Variants in STON2 observed in about 807,000 individuals in gnomAD.
STON2 encodes the protein stonin 2.
In STON2, 29 loss-of-function variants were observed where a neutral mutation model predicts 65.7. That is an observed-to-expected ratio of 0.44 (90% CI 0.33 to 0.60). The LOEUF is 0.60. Ranked by LOEUF, STON2 falls within the 20% of genes least tolerant of loss-of-function variation. The pLI is 0.03. For missense variants in STON2, 1,054 were observed against 1,118.1 expected (o/e 0.94, Z 0.82); for synonymous variants, 404 against 414.2 (o/e 0.98, Z 0.30).
Position 81,351,229 on chromosome 14 carries a change from G to A in STON2, c.571+19759C>T, listed in dbSNP as rs116812142. Among the ~76,000 whole-genome samples the A allele has an allele frequency of 7.2e-4, 101 of 141,154 alleles. 1 individual carries two copies. Among genetic ancestry groups the A allele is most frequent in the African/African-American group, 2.6e-3 (98 of 38,102 alleles). 92.6% of individuals were successfully genotyped at this position (141,154 alleles called of 152,430 possible). The stretch of plus-strand genomic sequence containing the variant: ...AGGCAAGGGATAATGCTGATTCAAT[G>A]TGGCAAAAATGGGAAATGTAGCTTT... On this transcript the variant is annotated intron_variant, in intron 4 of 7. Transcript: ENST00000614646.
chr14:81,296,807 A>G (rs1895778912), intron 5 of STON2, among the ~76,000 whole-genome samples: 1 of 152,236 alleles, frequency 6.6e-6, no homozygotes, highest in African/African-American at 2.4e-5. Context: ...GTCAGCATGC[A>G]TTTGATAAAT....
intron 5 of STON2, among the ~76,000 whole-genome samples, chr14:81,313,810 T>TACACACAC (rs10527861): frequency 7.4e-4 from 104 of 139,826 alleles, no homozygotes; most frequent in African/African-American, 2.3e-3. Context: ...AAAAAAAAAA[T>TACACACAC]ACACACACAC....
At position 81,283,529 on chromosome 14, in the gene STON2, C is replaced by T. The variant is rs1421645306; in HGVS notation, c.743-4790G>A. ...TTTGTACTGCACTTTACAGATACTGCATTTTTTTTTTTTTTTTTTGAGATG... is the reference window on the plus strand; with the variant it reads ...TTTGTACTGCACTTTACAGATACTGTATTTTTTTTTTTTTTTTTTGAGATG... On this transcript the variant is annotated intron_variant, in intron 5 of 7. Transcript: ENST00000614646. 4.2e-5 allele frequency among the ~76,000 whole-genome samples: 4 copies of T among 95,410 alleles called. No homozygotes were observed. In the Admixed American group the frequency reaches 5.2e-4, roughly 13 times the overall value. The allele number at this position is 95,410 out of a possible 152,430, so 62.6% of individuals were successfully genotyped here. A position where few individuals can be genotyped will look rare whatever the true frequency, so the allele number is the denominator to read the frequency against.
rs940313625 is a variant in STON2 at position 81,268,099 on chromosome 14, C to T, written c.*315G>A. The T allele has an allele frequency of 9.8e-7, 1 of 1,022,434 alleles. No homozygotes were observed. The highest frequency in any genetic ancestry group is 1.2e-6 in the Non-Finnish European group (1 of 852,740). 63.3% of individuals were successfully genotyped at this position (1,022,434 alleles called of 1,614,324 possible). A position where few individuals can be genotyped will look rare whatever the true frequency, so the allele number is the denominator to read the frequency against. On this transcript the variant is annotated 3_prime_UTR_variant, in exon 8 of 8. Coordinates refer to ENST00000614646, the MANE Select transcript of STON2 (RefSeq NM_001394390.1). Reference sequence around the variant, plus strand: ...CCTGACTGTAACAGTCACAACAAACCACATACCAGTGCTGTGAGATAAGCA... The same window carrying T: ...CCTGACTGTAACAGTCACAACAAACTACATACCAGTGCTGTGAGATAAGCA...
intron 1 of STON2, among the ~76,000 whole-genome samples, chr14:81,428,782 C>T (rs1902104071): frequency 6.6e-6 from 1 of 152,142 alleles, no homozygotes; most frequent in African/African-American, 2.4e-5. Flanking sequence ...GTTTCTAAGG[C>T]AAACAAATAA....
intron 4 of STON2, among the ~76,000 whole-genome samples, chr14:81,352,178 T>C (rs561072092): frequency 1.3e-3 from 191 of 152,284 alleles, no homozygotes; most frequent in Non-Finnish European, 1.9e-3. Context: ...ATCATTATTA[T>C]GGTTAATACT....
rs1305662477 is a variant in STON2, at chr14:81,262,859, C to T, written c.*5555G>A. 3 of 985,232 alleles carry T rather than the reference C, an allele frequency of 3.0e-6. No individual in the cohort carries two copies. The highest frequency in any genetic ancestry group is 1.7e-5 in the African/African-American group (1 of 57,252). The allele number at this position is 985,232 out of a possible 1,614,324, so 61.0% of individuals were successfully genotyped here. A position where few individuals can be genotyped will look rare whatever the true frequency, so the allele number is the denominator to read the frequency against. On this transcript the variant is annotated 3_prime_UTR_variant, in exon 8 of 8. Coordinates refer to ENST00000614646, the MANE Select transcript of STON2 (RefSeq NM_001394390.1). ...TTTCTACATTTGTGGTTGCCTTATA[C>T]ATCTCCTTCACGTTTAATTCCTTAA... is the stretch of plus-strand genomic sequence containing the variant.
intron 1 of STON2, among the ~76,000 whole-genome samples, chr14:81,432,072 G>C (rs954710613): frequency 6.6e-6 from 1 of 152,110 alleles, no homozygotes; most frequent in Non-Finnish European, 1.5e-5. Flanking sequence ...GGTGATCCTA[G>C]AAGTATTTCA....
At chr14:81,430,421 G>A (rs1005857604) in intron 1 of STON2, among the ~76,000 whole-genome samples, 3 of 152,090 alleles carry the variant, frequency 2.0e-5, no homozygotes, top group African/African-American at 7.2e-5. Context: ...ACTCCCAAAG[G>A]TTTCACTGAG....
intron 4 of STON2, among the ~76,000 whole-genome samples, chr14:81,355,643 G>A (rs1003145414): frequency 6.6e-6 from 1 of 152,178 alleles, no homozygotes; most frequent in Non-Finnish European, 1.5e-5. Flanking sequence ...ACTGATAAGT[G>A]AAGTTTTTAA....
chr14:81,418,372 T>G (rs528206507), intron 2 of STON2: 5 of 152,182 alleles, frequency 3.3e-5, no homozygotes, highest in Admixed American at 6.5e-5. Context: ...TCCCACCAAG[T>G]CCCTCCTATA....
At chr14:81,328,975 T>C (rs1260137830) in intron 4 of STON2, among the ~76,000 whole-genome samples, 1 of 152,172 alleles carries the variant, frequency 6.6e-6, no homozygotes, top group African/African-American at 2.4e-5. Flanking sequence ...TATCTTTTTC[T>C]TTATAAATTA....
chr14:81,308,803 T>TATATATATATAC (rs1566901158), intron 5 of STON2, among the ~76,000 whole-genome samples: 1 of 27,284 alleles, frequency 3.7e-5, no homozygotes, highest in Non-Finnish European at 6.4e-5. Context: ...TATATATATA[T>TATATATATATAC]ATATATATAT....
At chr14:81,289,047 A>G (rs1895450696) in intron 5 of STON2, among the ~76,000 whole-genome samples, 1 of 151,938 alleles carries the variant, frequency 6.6e-6, no homozygotes, top group Non-Finnish European at 1.5e-5. Context: ...CTCACTATTC[A>G]CCTGCCCACC....
intron 4 of STON2, among the ~76,000 whole-genome samples, chr14:81,344,178 G>A (rs1219222207): frequency 1.3e-5 from 2 of 151,780 alleles, no homozygotes; most frequent in South Asian, 2.1e-4. Flanking sequence ...AATAGTCCCC[G>A]TAAGATATTT....
At chr14:81,395,718 A>G in intron 3 of STON2, 176 bp downstream of exon 3, 1 of 647,256 alleles carries the variant, frequency 1.5e-6, no homozygotes, top group East Asian at 2.7e-5. Context: ...GCTTATGTCA[A>G]CAAAAACAAG....
intron 1 of STON2, among the ~76,000 whole-genome samples, chr14:81,433,250 T>C (rs1902286350): frequency 6.6e-6 from 1 of 152,244 alleles, no homozygotes; most frequent in Non-Finnish European, 1.5e-5. Flanking sequence ...TGAAGTCATG[T>C]AACAGATGGT....
chr14:81,410,142 T>C (rs1901077572), intron 2 of STON2, among the ~76,000 whole-genome samples: 1 of 152,084 alleles, frequency 6.6e-6, no homozygotes, highest in South Asian at 2.1e-4. Flanking sequence ...TAACAGTCAT[T>C]GGCCCTGATG....
chr14:81,380,770 C>T (rs1252292125), intron 3 of STON2, among the ~76,000 whole-genome samples: 1 of 152,016 alleles, frequency 6.6e-6, no homozygotes, highest in Non-Finnish European at 1.5e-5. Context: ...GAGCTAAACA[C>T]TAAGTACACA....
Sources: allele counts gnomAD v4.1 joint callset (sites outside exome capture counted in the v4.1 genomes callset), GRCh38; gene constraint gnomAD v4.1.1; transcripts MANE v1.5; gene names NCBI Gene and HGNC (gene_info 2026-07-23, HGNC 2026-07-21).